EEFSEC: variants seen among roughly 807,000 people sequenced by gnomAD.
EEFSEC encodes the protein selenocysteine-specific elongation factor.
A neutral mutation model predicts 42.1 loss-of-function variants in EEFSEC; 43 were observed. That is an observed-to-expected ratio of 1.02 (90% CI 0.80 to 1.32). The LOEUF is 1.32. Ranked by LOEUF, EEFSEC falls within the 40% of genes most tolerant of loss-of-function variation. The pLI is 0.00. For missense variants in EEFSEC, 745 were observed against 803.6 expected (o/e 0.93, Z 0.88); for synonymous variants, 354 against 339.1 (o/e 1.04, Z -0.48).
At chr3:128,252,605 A>G (rs2066198993) in intron 2 of EEFSEC, among the ~76,000 whole-genome samples, 1 of 152,196 alleles carries the variant, frequency 6.6e-6, no homozygotes, top group Non-Finnish European at 1.5e-5. Flanking sequence ...AGTGAGGCTT[A>G]ATAAATGTTG....
At chr3:128,368,422 G>A (rs562324439) in intron 6 of EEFSEC, among the ~76,000 whole-genome samples, 10 of 148,692 alleles carry the variant, frequency 6.7e-5, no homozygotes, top group East Asian at 2.0e-4. Context: ...GTGACAGAGC[G>A]AGACTCCATC....
chr3:128,308,229 G>A (rs2066852789), intron 4 of EEFSEC, among the ~76,000 whole-genome samples: 1 of 152,236 alleles, frequency 6.6e-6, no homozygotes, highest in Non-Finnish European at 1.5e-5. Context: ...ATGATGCCCA[G>A]TGGCCCAGGT....
chr3:128,280,867 T>G (rs2066518555), intron 4 of EEFSEC, among the ~76,000 whole-genome samples: 1 of 152,218 alleles, frequency 6.6e-6, no homozygotes, highest in African/African-American at 2.4e-5. Context: ...TACTCACTGT[T>G]TTTTTTCCCC....
At chr3:128,326,631 C>T (rs1053227522) in intron 4 of EEFSEC, among the ~76,000 whole-genome samples, 8 of 152,222 alleles carry the variant, frequency 5.3e-5, no homozygotes, top group Non-Finnish European at 4.4e-5. Flanking sequence ...CCTCCATTTC[C>T]TCCTCTCAGC....
chr3:128,198,068 T>C (rs1201582378), intron 1 of EEFSEC, among the ~76,000 whole-genome samples: 1 of 152,200 alleles, frequency 6.6e-6, no homozygotes, highest in Non-Finnish European at 1.5e-5. Context: ...GGTCCAAGAC[T>C]TTCTGAATGT....
chr3:128,169,216 G>C (rs943729943), intron 1 of EEFSEC, among the ~76,000 whole-genome samples: 1 of 152,204 alleles, frequency 6.6e-6, no homozygotes, highest in Non-Finnish European at 1.5e-5. Flanking sequence ...TAAAGCTGAA[G>C]CTAAACTGTG....
At chr3:128,418,202 C>T in the EEFSEC span, among the ~76,000 whole-genome samples, 1 of 152,084 alleles carries the variant, frequency 6.6e-6, no homozygotes, top group Non-Finnish European at 1.5e-5. Context: ...ACCCCCTCCT[C>T]ACCTGTCTGC....
chr3:128,415,312 G>A, the EEFSEC span, among the ~76,000 whole-genome samples: 1 of 152,166 alleles, frequency 6.6e-6, no homozygotes, highest in Non-Finnish European at 1.5e-5. Context: ...GGCCAGGGAA[G>A]GTGGGCATTG....
At chr3:128,166,368 T>C (rs1488049945) in intron 1 of EEFSEC, among the ~76,000 whole-genome samples, 1 of 152,228 alleles carries the variant, frequency 6.6e-6, no homozygotes, top group Non-Finnish European at 1.5e-5. Context: ...CGGTCCAACA[T>C]GGCAGCCACG....
At chr3:128,385,893 C>T (rs1312173519) in intron 6 of EEFSEC, among the ~76,000 whole-genome samples, 3 of 152,226 alleles carry the variant, frequency 2.0e-5, no homozygotes, top group Non-Finnish European at 4.4e-5. Context: ...GAACATCCCA[C>T]GGTGGAACAT....
chr3:128,191,411 G>C (rs191876571), intron 1 of EEFSEC, among the ~76,000 whole-genome samples: 10 of 151,788 alleles, frequency 6.6e-5, no homozygotes, highest in South Asian at 2.1e-4. Flanking sequence ...TTAGCCTCTT[G>C]AGTAGCTTAG....
intron 1 of EEFSEC, among the ~76,000 whole-genome samples, chr3:128,200,112 C>T (rs2687720): frequency 0.42 from 64,496 of 151,982 alleles, 16,394 homozygotes; most frequent in African/African-American, 0.71. Flanking sequence ...GTTTATCTTA[C>T]GACTTTCTGT....
chr3:128,288,384 C>T (rs1473774072), intron 4 of EEFSEC, among the ~76,000 whole-genome samples: 5 of 152,100 alleles, frequency 3.3e-5, no homozygotes, highest in Non-Finnish European at 5.9e-5. Context: ...TATATAAATC[C>T]ACATATAAGT....
At chr3:128,323,337 T>C (rs78570247) in intron 4 of EEFSEC, among the ~76,000 whole-genome samples, 4,701 of 152,240 alleles carry the variant, frequency 0.031, 230 homozygotes, top group African/African-American at 0.1. Flanking sequence ...TTGGAGCCGT[T>C]TTCTCCAGGC....
At chr3:128,230,113 A>G (rs1576563714) in intron 1 of EEFSEC, among the ~76,000 whole-genome samples, 2 of 64,384 alleles carry the variant, frequency 3.1e-5, no homozygotes, top group South Asian at 8.8e-4. Flanking sequence ...TCATTCATTC[A>G]TTCTTTCTCT....
intron 3 of EEFSEC, among the ~76,000 whole-genome samples, chr3:128,262,947 A>G (rs1025449523): frequency 1.3e-5 from 2 of 152,200 alleles, no homozygotes; most frequent in African/African-American, 4.8e-5. Flanking sequence ...ACTGTGGTTC[A>G]GGGGCTAGCT....
chr3:128,206,369 C>T (rs1188158245), intron 1 of EEFSEC, among the ~76,000 whole-genome samples: 1 of 152,182 alleles, frequency 6.6e-6, no homozygotes, highest in East Asian at 1.9e-4. Context: ...CAAAATTACC[C>T]TTGTTTTTAT....
intron 2 of EEFSEC, among the ~76,000 whole-genome samples, chr3:128,256,584 T>C (rs1287536118): frequency 6.6e-6 from 1 of 152,220 alleles, no homozygotes; most frequent in Non-Finnish European, 1.5e-5. Flanking sequence ...GGATTTGAGT[T>C]CTGAATTCGG....
chr3:128,376,579 A>G (rs2067712661), intron 6 of EEFSEC, among the ~76,000 whole-genome samples: 1 of 152,144 alleles, frequency 6.6e-6, no homozygotes, highest in African/African-American at 2.4e-5. Flanking sequence ...AGGTATGTTC[A>G]TGGTGGGATT....
Sources: allele counts gnomAD v4.1 joint callset (sites outside exome capture counted in the v4.1 genomes callset), GRCh38; gene constraint gnomAD v4.1.1; transcripts MANE v1.5; gene names NCBI Gene and HGNC (gene_info 2026-07-23, HGNC 2026-07-21).